Variants in SYNJ2BP observed in about 807,000 individuals in gnomAD.
SYNJ2BP encodes the protein synaptojanin 2 binding protein.
Under a neutral mutation model 16.9 loss-of-function variants are expected in SYNJ2BP, and 10 were observed. The observed-to-expected ratio is 0.59, with a 90% CI of 0.36 to 1.00. The LOEUF (loss-of-function observed/expected upper bound fraction) is 1.00. Among genes scored for constraint, SYNJ2BP ranks in the 50% least tolerant of loss-of-function variants. The pLI, the probability that SYNJ2BP is intolerant of heterozygous loss-of-function variation, is 0.01. For missense variants in SYNJ2BP, 162 were observed against 186.7 expected, an observed-to-expected ratio of 0.87 and a Z score of 0.77; for synonymous variants, 54 against 68.4, an observed-to-expected ratio of 0.79 and a Z score of 1.04.
At chr14:70,386,234 AT>A (rs1887855800) in intron 2 of SYNJ2BP, among the ~76,000 whole-genome samples, 1 of 152,212 alleles carries the variant, frequency 6.6e-6, no homozygotes, top group African/African-American at 2.4e-5. Context: ...TGCCAAGTTG[AT>A]TCATATTGGA....
At chr14:70,383,247 T>C (rs545035615) in intron 2 of SYNJ2BP, among the ~76,000 whole-genome samples, 12 of 152,202 alleles carry the variant, frequency 7.9e-5, no homozygotes, top group Non-Finnish European at 1.5e-4. Flanking sequence ...GGTATTTTAT[T>C]TAAAGAATGC....
chr14:70,404,091 C>T (rs1218671295), intron 1 of SYNJ2BP, among the ~76,000 whole-genome samples: 1 of 151,978 alleles, frequency 6.6e-6, no homozygotes, highest in Non-Finnish European at 1.5e-5. Flanking sequence ...TGAGGCCAGG[C>T]ATGGTAGCTA....
Position 70,371,142 on chromosome 14 carries a change from G to A in SYNJ2BP, c.*1849C>T, listed in dbSNP as rs1444458730. On this transcript the variant is annotated 3_prime_UTR_variant, in exon 4 of 4. Transcript: ENST00000256366. ...AGTATGGCCAATATATTTGGCTAAT[G>A]GAAATGATTTTCTTAAAGCCAGAAA... 1 of 152,152 alleles carries A rather than the reference G, an allele frequency of 6.6e-6. No individual in the cohort carries two copies. Among genetic ancestry groups the A allele is most frequent in the African/African-American group, 2.4e-5 (1 of 41,428 alleles). 9.4% of individuals were successfully genotyped at this position (152,152 alleles called of 1,614,324 possible).
In SYNJ2BP at chr14:70,366,838, A is replaced by T. The variant is rs1482654814; in HGVS notation, c.*6153T>A. On this transcript the variant is annotated 3_prime_UTR_variant, in exon 4 of 4. Transcript: ENST00000256366. ...GGTTCATGAGGAAAATAATCTTCTAAGAACTAACATGGCCTGGAGGTAAAA... is the reference window on the plus strand; with the variant it reads ...GGTTCATGAGGAAAATAATCTTCTATGAACTAACATGGCCTGGAGGTAAAA... The T allele has an allele frequency of 2.0e-5, 3 of 152,220 alleles. No homozygotes were observed. Among genetic ancestry groups the T allele is most frequent in the Non-Finnish European group, 4.4e-5 (3 of 68,044 alleles). 9.4% of individuals were successfully genotyped at this position (152,220 alleles called of 1,614,324 possible).
At chr14:70,416,813 G>A in intron 1 of SYNJ2BP, 87 bp downstream of exon 1, 1 of 1,600,626 alleles carries the variant, frequency 6.2e-7, no homozygotes, top group Non-Finnish European at 8.5e-7. Context: ...CCGCCCCGAG[G>A]CCAGGTGAAT....
At chr14:70,377,366 T>A (rs61977550) in intron 2 of SYNJ2BP, among the ~76,000 whole-genome samples, 11,366 of 152,168 alleles carry the variant, frequency 0.075, 485 homozygotes, top group Middle Eastern at 0.12. Context: ...GGGAGAAAGG[T>A]ATATTCTCAT....
chr14:70,379,359 C>G (rs1410152284), intron 2 of SYNJ2BP, among the ~76,000 whole-genome samples: 1 of 152,194 alleles, frequency 6.6e-6, no homozygotes, highest in African/African-American at 2.4e-5. Context: ...ATGACTCTAA[C>G]CTATCTTCTC....
intron 1 of SYNJ2BP, among the ~76,000 whole-genome samples, chr14:70,392,495 G>GA (rs933371645): frequency 1.3e-5 from 2 of 151,866 alleles, no homozygotes; most frequent in Non-Finnish European, 2.9e-5. Flanking sequence ...CATAAAATAC[G>GA]AAAAAAAATC....
Position 70,388,600 on chromosome 14 carries a change from C to T in SYNJ2BP, c.71G>A (p.Gly24Asp). Residue 24 changes from glycine (G) to aspartate (D), a missense_variant, in exon 2 of 4, where the codon GGC becomes GAC. Transcript: ENST00000256366. ...ATCTGTCCCACCGACGATGTTGAAG[C>T]CCAGCCCTGAGAAAATCATGGAGGA... ...INLTRGPSGL[G>D]FNIVGGTDQQ... is the part of the protein sequence containing the mutation. The T allele has an allele frequency of 2.6e-6, 4 of 1,512,820 alleles. No homozygotes were observed. The highest frequency in any genetic ancestry group is 3.5e-6 in the Non-Finnish European group (4 of 1,129,858). The allele number at this position is 1,512,820 out of a possible 1,614,324, so 93.7% of individuals were successfully genotyped here. A position where few individuals can be genotyped will look rare whatever the true frequency, so the allele number is the denominator to read the frequency against.
Position 70,417,042 on chromosome 14 carries a change from G to C in SYNJ2BP, c.-79C>G. The C allele has an allele frequency of 6.2e-7, 1 of 1,608,356 alleles. No homozygotes were observed. The highest frequency in any genetic ancestry group is 8.5e-7 in the Non-Finnish European group (1 of 1,176,792). Reference sequence around the variant, plus strand: ...GAAGGTGAATCAATCTCGGCGCTGCGCCCACAGCACAGCGGTTTCGGTTTC... The same window carrying C: ...GAAGGTGAATCAATCTCGGCGCTGCCCCCACAGCACAGCGGTTTCGGTTTC... On this transcript the variant is annotated 5_prime_UTR_variant, in exon 1 of 4. Coordinates refer to ENST00000256366, the MANE Select transcript of SYNJ2BP (RefSeq NM_018373.3).
At chr14:70,414,968 C>T (rs974882965) in intron 1 of SYNJ2BP, among the ~76,000 whole-genome samples, 2 of 151,944 alleles carry the variant, frequency 1.3e-5, no homozygotes, top group Non-Finnish European at 2.9e-5. Flanking sequence ...AAAAATGAAT[C>T]CAAGAAACTT....
intron 1 of SYNJ2BP, among the ~76,000 whole-genome samples, chr14:70,399,558 G>A (rs10144818): frequency 0.24 from 36,299 of 152,146 alleles, 6,100 homozygotes; most frequent in East Asian, 0.61. Flanking sequence ...CCTCAGGGAC[G>A]CAAGGCATAG....
chr14:70,373,948 A>G (rs1887571084), intron 3 of SYNJ2BP, among the ~76,000 whole-genome samples: 1 of 152,220 alleles, frequency 6.6e-6, no homozygotes, highest in East Asian at 1.9e-4. Context: ...TGACACTTCA[A>G]TCTGAAAGGC....
At chr14:70,377,322 A>G (rs777193862) in intron 2 of SYNJ2BP, among the ~76,000 whole-genome samples, 12 of 152,194 alleles carry the variant, frequency 7.9e-5, no homozygotes, top group Non-Finnish European at 1.5e-4. Context: ...ATATTCTGCA[A>G]TCCTTTTCTT....
intron 1 of SYNJ2BP, among the ~76,000 whole-genome samples, chr14:70,394,847 C>A (rs1359296957): frequency 6.6e-6 from 1 of 152,076 alleles, no homozygotes; most frequent in Non-Finnish European, 1.5e-5. Context: ...AACACAAGTA[C>A]TCATTTTTCA....
Position 70,417,035 on chromosome 14 carries a change from G to T in SYNJ2BP, c.-72C>A. 1 of 1,611,116 alleles carries T rather than the reference G, an allele frequency of 6.2e-7. No individual in the cohort carries two copies. Among genetic ancestry groups the T allele is most frequent in the Non-Finnish European group, 8.5e-7 (1 of 1,178,502 alleles). ...CACAGGTGAAGGTGAATCAATCTCGGCGCTGCGCCCACAGCACAGCGGTTT... is the reference window on the plus strand; with the variant it reads ...CACAGGTGAAGGTGAATCAATCTCGTCGCTGCGCCCACAGCACAGCGGTTT... On this transcript the variant is annotated 5_prime_UTR_variant, in exon 1 of 4. Transcript: ENST00000256366.
intron 1 of SYNJ2BP, among the ~76,000 whole-genome samples, chr14:70,397,322 T>C (rs1440912074): frequency 1.3e-5 from 2 of 152,176 alleles, no homozygotes; most frequent in Non-Finnish European, 2.9e-5. Flanking sequence ...TCAAATCCTC[T>C]CTTTCCTTAT....
rs112324297 is a variant in SYNJ2BP at position 70,407,654 on chromosome 14, T to TAA, written c.64+9244_64+9245dup. Among the ~76,000 whole-genome samples, 4 of 145,454 alleles carry TAA rather than the reference T, an allele frequency of 2.8e-5. No individual in the cohort carries two copies. In the East Asian group the frequency reaches 5.9e-4, roughly 22 times the overall value. ...GTATATCCCCAAGATAAAATCAAAG[T>TAA]AAAAAAAAAAACATAGAAGATGAAG... On this transcript the variant is annotated intron_variant, in intron 1 of 3. Transcript: ENST00000256366.
At position 70,392,088 on chromosome 14, in the gene SYNJ2BP, G is replaced by A. The variant is rs529628049; in HGVS notation, c.65-3482C>T. On this transcript the variant is annotated intron_variant, in intron 1 of 3. Transcript: ENST00000256366. Reference sequence around the variant, plus strand: ...GATTGAATCTTATGTGTAAGATGTTGTGTTATCATCTGAGGAAGACATAAA... The same window carrying A: ...GATTGAATCTTATGTGTAAGATGTTATGTTATCATCTGAGGAAGACATAAA... 2.6e-5 allele frequency among the ~76,000 whole-genome samples: 4 copies of A among 152,354 alleles called. No individual in the cohort carries two copies. In the East Asian group the frequency reaches 7.7e-4, roughly 29 times the overall value.
Sources: allele counts gnomAD v4.1 joint callset (sites outside exome capture counted in the v4.1 genomes callset), GRCh38; gene constraint gnomAD v4.1.1; transcripts MANE v1.5; gene names NCBI Gene and HGNC (gene_info 2026-07-23, HGNC 2026-07-21).